The following ABCE1 variants were observed in gnomAD, a reference collection of about 807,000 sequenced individuals.
ABCE1 encodes the protein ATP-binding cassette sub-family E member 1.
ABCE1 carries 22 observed loss-of-function variants against 83.4 expected under a neutral mutation model. That is an observed-to-expected ratio of 0.26 (90% confidence interval 0.19 to 0.38). The LOEUF (loss-of-function observed/expected upper bound fraction) is 0.38, where lower values mean the gene tolerates loss of function less well. Ranked by LOEUF, ABCE1 falls within the 10% of genes least tolerant of loss-of-function variation. ABCE1 has a pLI of 1.00. For synonymous variants in ABCE1, 204 were observed against 233.7 expected (o/e 0.87, Z 1.16); for missense variants, 330 against 721.9 (o/e 0.46, Z 6.22).
chr4:145,127,487 C>A, intron 17 of ABCE1, 39 bp from the exon 18 acceptor site: 1 of 1,551,678 alleles, frequency 6.4e-7, no homozygotes, highest in Non-Finnish European at 8.8e-7. Flanking sequence ...ATAGTAGAAT[C>A]GTGTTGCTGA....
chr4:145,124,741 C>T (rs970895595), intron 16 of ABCE1, among the ~76,000 whole-genome samples: 2 of 151,960 alleles, frequency 1.3e-5, no homozygotes, highest in African/African-American at 4.8e-5. Flanking sequence ...TTTCTTTCAC[C>T]AGATTAGAAA....
chr4:145,107,260 T>C (rs570602408), intron 3 of ABCE1, among the ~76,000 whole-genome samples: 1 of 152,174 alleles, frequency 6.6e-6, no homozygotes, highest in Admixed American at 6.5e-5. Context: ...ATCCCCAGTC[T>C]GTGCAAATAT....
chr4:145,099,992 G>A (rs1749092023), intron 1 of ABCE1, among the ~76,000 whole-genome samples: 1 of 152,088 alleles, frequency 6.6e-6, no homozygotes, highest in African/African-American at 2.4e-5. Flanking sequence ...GCTTTACTGT[G>A]CCTAGGTTTT....
intron 9 of ABCE1, among the ~76,000 whole-genome samples, chr4:145,115,885 TA>T (rs1749596176): frequency 6.6e-6 from 1 of 151,962 alleles, no homozygotes; most frequent in African/African-American, 2.4e-5. Context: ...ACAGAGGTGC[TA>T]AAATGTATTA....
chr4:145,111,573 C>T (rs1030963740), intron 8 of ABCE1, among the ~76,000 whole-genome samples: 3 of 152,070 alleles, frequency 2.0e-5, no homozygotes, highest in African/African-American at 7.2e-5. Context: ...ATGATCCACC[C>T]ACCTCGGCCT....
At position 145,121,187 on chromosome 4, in the gene ABCE1, G is replaced by A. The variant is rs202151169; in HGVS notation, c.1158G>A (p.Thr386=). The A allele has an allele frequency of 1.1e-5, 17 of 1,613,450 alleles. No individual in the cohort carries two copies. The highest frequency in any genetic ancestry group is 2.2e-5 in the South Asian group (2 of 91,034). Residue 386 remains threonine, a synonymous_variant, in exon 12 of 18, where the codon ACG becomes ACA. Coordinates refer to ENST00000296577, the MANE Select transcript of ABCE1 (RefSeq NM_002940.3). ...VMLGENGTGK[T]TFIRMLAGRL... The stretch of plus-strand genomic sequence containing the variant: ...TTGTGTTGCCAGGAACGGGTAAAAC[G>A]ACATTTATCAGAATGCTTGCTGGAA...
In ABCE1 at chr4:145,128,307, G is replaced by A. The variant is rs1161999952; in HGVS notation, c.*734G>A. 2.0e-5 allele frequency: 3 copies of A among 152,322 alleles called. No homozygotes were observed. The highest frequency in any genetic ancestry group is 7.3e-5 in the African/African-American group (3 of 41,340). The allele number at this position is 152,322 out of a possible 1,614,324, so 9.4% of individuals were successfully genotyped here. A position where few individuals can be genotyped will look rare whatever the true frequency, so the allele number is the denominator to read the frequency against. ...TCATTCTCTAGGTAATGTCATTTTT[G>A]TACACATATATTTATATAATCACTG... On this transcript the variant is annotated 3_prime_UTR_variant, in exon 18 of 18. Transcript: ENST00000296577.
At chr4:145,110,065 T>C in intron 5 of ABCE1, 38 bp from the exon 6 acceptor site, 1 of 1,496,682 alleles carries the variant, frequency 6.7e-7, no homozygotes, top group Non-Finnish European at 9.0e-7. Context: ...ATTGTATTAT[T>C]AAATTCACAT....
intron 1 of ABCE1, among the ~76,000 whole-genome samples, chr4:145,100,385 T>A (rs780068470): frequency 1.2e-4 from 18 of 152,270 alleles, no homozygotes; most frequent in Non-Finnish European, 2.2e-4. Context: ...TTTTGGTTTT[T>A]AAAATAGTTT....
At chr4:145,111,753 A>C (rs764979456) in intron 8 of ABCE1, among the ~76,000 whole-genome samples, 6 of 152,174 alleles carry the variant, frequency 3.9e-5, no homozygotes, top group Non-Finnish European at 8.8e-5. Flanking sequence ...TGTGAAAGAG[A>C]GGAGAGGAAA....
At chr4:145,114,472 G>C (rs1749561151) in intron 9 of ABCE1, among the ~76,000 whole-genome samples, 1 of 151,818 alleles carries the variant, frequency 6.6e-6, no homozygotes, top group Non-Finnish European at 1.5e-5. Flanking sequence ...CTAACAATAA[G>C]AGGAAAACTA....
chr4:145,101,434 G>C (rs1749153612), intron 1 of ABCE1, among the ~76,000 whole-genome samples: 2 of 152,132 alleles, frequency 1.3e-5, no homozygotes, highest in Non-Finnish European at 2.9e-5. Context: ...TCAGGACTTT[G>C]GCATTTACTC....
intron 17 of ABCE1, among the ~76,000 whole-genome samples, chr4:145,126,699 C>T (rs141362801): frequency 1.5e-3 from 221 of 152,254 alleles, no homozygotes; most frequent in African/African-American, 5.1e-3. Flanking sequence ...GTTATACATA[C>T]TTCTGCTGTA....
At chr4:145,115,326 C>T (rs569559885) in intron 9 of ABCE1, among the ~76,000 whole-genome samples, 16 of 151,994 alleles carry the variant, frequency 1.1e-4, no homozygotes, top group African/African-American at 3.6e-4. Context: ...CTCACACTGG[C>T]TGTTTAAGGA....
chr4:145,123,191 G>C, intron 14 of ABCE1, 24 bp from the exon 15 acceptor site: 1 of 1,593,892 alleles, frequency 6.3e-7, no homozygotes, highest in Non-Finnish European at 8.5e-7. Context: ...GCCTTTACAT[G>C]GTTTGCTAAA....
chr4:145,126,743 C>T (rs1732376955), intron 17 of ABCE1, among the ~76,000 whole-genome samples: 1 of 152,158 alleles, frequency 6.6e-6, no homozygotes. Flanking sequence ...CCTAGCTTTG[C>T]TGCTAAACCA....
intron 9 of ABCE1, among the ~76,000 whole-genome samples, chr4:145,114,261 G>T (rs1164459266): frequency 6.6e-6 from 1 of 152,048 alleles, no homozygotes; most frequent in Non-Finnish European, 1.5e-5. Context: ...TCACAATGTG[G>T]TAAAGAAAAA....
Position 145,109,198 on chromosome 4 carries a change from T to C in ABCE1, c.354T>C (p.Thr118=), listed in dbSNP as rs1325975242. The C allele has an allele frequency of 3.1e-6, 5 of 1,613,078 alleles. No individual in the cohort carries two copies. Among genetic ancestry groups the C allele is most frequent in the Non-Finnish European group, 4.2e-6 (5 of 1,179,602 alleles). Residue 118 remains threonine (T), a synonymous_variant, in exon 5 of 18, where the codon ACT becomes ACC. Coordinates refer to ENST00000296577, the MANE Select transcript of ABCE1 (RefSeq NM_002940.3). ...GAACTAATGGTATTGGAAAGTCAAC[T>C]GCTTTAAAAATTTTAGCAGGAAAAC... ...LVGTNGIGKS[T]ALKILAGKQK... is the part of the protein sequence containing the mutation.
In ABCE1 at chr4:145,128,178, A is replaced by C. The variant is rs1238084446; in HGVS notation, c.*605A>C. The C allele has an allele frequency of 9.8e-5, 15 of 152,764 alleles. 1 individual carries two copies. Among genetic ancestry groups the C allele is most frequent in the Admixed American group, 9.8e-4 (15 of 15,304 alleles). The allele number at this position is 152,764 out of a possible 1,614,324, so 9.5% of individuals were successfully genotyped here. On this transcript the variant is annotated 3_prime_UTR_variant, in exon 18 of 18. Transcript: ENST00000296577. The stretch of plus-strand genomic sequence containing the variant: ...GTTTTTAATCTTTTTTGGTGCTTTT[A>C]AACATGTTTAGCAAAAACCAATTCA...
Sources: gnomAD v4.1 joint callset for allele counts (sites outside exome capture counted in the v4.1 genomes callset) on GRCh38, gnomAD v4.1.1 for gene constraint, MANE v1.5 for transcripts, NCBI Gene and HGNC (gene_info 2026-07-23, HGNC 2026-07-21) for gene names.